NUGGC: variants seen among roughly 807,000 people sequenced by gnomAD.
The protein encoded by NUGGC is nuclear GTPase, germinal center associated.
NUGGC carries 58 observed loss-of-function variants against 92.6 expected under a neutral mutation model. The ratio of observed to expected loss-of-function variants is 0.63; its 90% CI spans 0.51 to 0.78. The LOEUF (loss-of-function observed/expected upper bound fraction) is 0.78. NUGGC is among the 30% of genes least tolerant of loss of function. The pLI, the probability that NUGGC is intolerant of heterozygous loss-of-function variation, is 0.00. For missense variants in NUGGC, 925 were observed against 964.6 expected (o/e 0.96, Z 0.54); for synonymous variants, 376 against 366.4 (o/e 1.03, Z -0.30).
rs183016260 is a variant in NUGGC, at chr8:28,041,250, C to G, written c.1447-35G>C. On this transcript the variant is annotated intron_variant, in intron 12 of 18. Coordinates refer to ENST00000413272, the MANE Select transcript of NUGGC (RefSeq NM_001010906.2). ...AGGACCATAAAAGAATCAGGCCACC[C>G]CCTCCCTAAGGGCACCTTCTCCTGA... The G allele has an allele frequency of 1.9e-4, 304 of 1,582,688 alleles. No homozygotes were observed. The Middle Eastern group carries it at 3.8e-3, about 20-fold the overall frequency.
intron 1 of NUGGC, among the ~76,000 whole-genome samples, chr8:28,083,476 T>C (rs1810900145): frequency 6.6e-6 from 1 of 152,112 alleles, no homozygotes; most frequent in Admixed American, 6.5e-5. Flanking sequence ...CATAACTAAA[T>C]ATAATGTGCT....
intron 15 of NUGGC, 141 bp from the exon 16 acceptor site, chr8:28,030,559 G>A (rs551257783): frequency 1.1e-5 from 7 of 640,904 alleles, no homozygotes; most frequent in South Asian, 8.9e-5. Flanking sequence ...CCACAACTAG[G>A]CTGTGAGCTT....
chr8:28,043,915 A>C (rs1809761853), intron 12 of NUGGC, among the ~76,000 whole-genome samples: 1 of 152,238 alleles, frequency 6.6e-6, no homozygotes, highest in Non-Finnish European at 1.5e-5. Flanking sequence ...TCAGATTCCA[A>C]GAGTTTTGTT....
At chr8:28,039,137 T>A (rs541904773) in intron 13 of NUGGC, among the ~76,000 whole-genome samples, 2 of 152,140 alleles carry the variant, frequency 1.3e-5, no homozygotes, top group Non-Finnish European at 2.9e-5. Context: ...TCTCCTCCTT[T>A]ACTCTTGGTT....
chr8:28,046,944 C>T (rs1224118538), intron 11 of NUGGC, among the ~76,000 whole-genome samples: 1 of 151,958 alleles, frequency 6.6e-6, no homozygotes, highest in Non-Finnish European at 1.5e-5. Flanking sequence ...GCTGGGATTA[C>T]AGGCATGAAC....
chr8:28,027,595 G>A (rs147825910), intron 17 of NUGGC, among the ~76,000 whole-genome samples: 2,101 of 152,150 alleles, frequency 0.014, 48 homozygotes, highest in African/African-American at 0.048. Context: ...TTCTGTTTCT[G>A]CCTCCCTTTG....
chr8:28,075,056 C>T (rs762677277), intron 1 of NUGGC, among the ~76,000 whole-genome samples: 1 of 152,194 alleles, frequency 6.6e-6, no homozygotes, highest in South Asian at 2.1e-4. Flanking sequence ...AGCTTCGCTG[C>T]TTTGGGTGGC....
chr8:28,045,697 C>T, intron 11 of NUGGC, 37 bp from the exon 12 acceptor site: 1 of 1,597,512 alleles, frequency 6.3e-7, no homozygotes, highest in Non-Finnish European at 8.5e-7. Flanking sequence ...TTGTTAAAGG[C>T]CAGAAGTTTG....
chr8:28,076,909 T>C (rs1158687548), intron 1 of NUGGC, among the ~76,000 whole-genome samples: 1 of 152,194 alleles, frequency 6.6e-6, no homozygotes, highest in African/African-American at 2.4e-5. Flanking sequence ...GGTTTAACAT[T>C]CTCAACTAAT....
chr8:28,054,039 C>T (rs1459561753), intron 10 of NUGGC, among the ~76,000 whole-genome samples: 4 of 152,158 alleles, frequency 2.6e-5, no homozygotes, highest in Non-Finnish European at 1.5e-5. Context: ...AGCTGGTCAT[C>T]GGCCAAATGT....
At chr8:28,063,098 G>A (rs189612954) in intron 7 of NUGGC, among the ~76,000 whole-genome samples, 1 of 152,226 alleles carries the variant, frequency 6.6e-6, no homozygotes, top group East Asian at 1.9e-4. Context: ...TTCATAACGG[G>A]TTTTAGGGAA....
At chr8:28,041,998 T>C (rs1472176373) in intron 12 of NUGGC, among the ~76,000 whole-genome samples, 3 of 152,128 alleles carry the variant, frequency 2.0e-5, no homozygotes, top group Non-Finnish European at 2.9e-5. Context: ...ATCATGGGAT[T>C]GGCTTTCCCC....
Position 28,060,515 on chromosome 8 carries a change from C to T in NUGGC, c.1008G>A (p.Glu336=), listed in dbSNP as rs755847739. 6.2e-7 allele frequency: 1 copy of T among 1,613,922 alleles called. No homozygotes were observed. The highest frequency in any genetic ancestry group is 8.5e-7 in the Non-Finnish European group (1 of 1,179,856). The change falls in exon 8 of 19, where the codon GAG becomes GAA. Residue 336 remains glutamate, a synonymous_variant. Transcript: ENST00000413272. ...AGCCCCGCTGGCAGGCTTTGATGCT[C>T]TCATTCAGAAGGTCTTCGTGGGCTT... ...GGQAHEDLLN[E]SIKACQRGFC...
In NUGGC at chr8:28,074,356, C is replaced by T; in HGVS notation, c.43+12G>A. 2 of 1,599,458 alleles carry T rather than the reference C, an allele frequency of 1.3e-6. No homozygotes were observed. The highest frequency in any genetic ancestry group is 2.2e-5 in the South Asian group (2 of 90,690). On this transcript the variant is annotated intron_variant, in intron 2 of 18. Transcript: ENST00000413272. The stretch of plus-strand genomic sequence containing the variant: ...CTATATCCTCCATCAGAAGATACTG[C>T]AAAGATGTTACCTGGATGCGGTTCC...
In NUGGC at chr8:28,080,984, C is replaced by T. The variant is rs79485384; in HGVS notation, c.-47+2791G>A. 2.0e-3 allele frequency among the ~76,000 whole-genome samples: 301 copies of T among 151,952 alleles called. 3 individuals are homozygous for T. The highest frequency in any genetic ancestry group is 0.013 in the East Asian group (68 of 5,184). On this transcript the variant is annotated intron_variant, in intron 1 of 18. Coordinates refer to ENST00000413272, the MANE Select transcript of NUGGC (RefSeq NM_001010906.2). ...TGATCTCTCTGAGCCTCTATTTCTCCACATATAGGATAGAATTGGTTTTAA... is the reference window on the plus strand; with the variant it reads ...TGATCTCTCTGAGCCTCTATTTCTCTACATATAGGATAGAATTGGTTTTAA...
intron 10 of NUGGC, among the ~76,000 whole-genome samples, chr8:28,048,181 C>T (rs1011659510): frequency 6.6e-6 from 1 of 152,200 alleles, no homozygotes; most frequent in African/African-American, 2.4e-5. Flanking sequence ...CACAGCTTAT[C>T]AATACTAAGA....
intron 10 of NUGGC, among the ~76,000 whole-genome samples, chr8:28,049,045 G>T (rs574049106): frequency 6.6e-6 from 1 of 152,042 alleles, no homozygotes; most frequent in Non-Finnish European, 1.5e-5. Flanking sequence ...GTGCATGTGC[G>T]TGTGTGGGTA....
chr8:28,081,164 C>A (rs1373153190), intron 1 of NUGGC, among the ~76,000 whole-genome samples: 2 of 151,860 alleles, frequency 1.3e-5, no homozygotes, highest in African/African-American at 4.8e-5. Context: ...ACTAAAAATA[C>A]AAAAATTACC....
intron 8 of NUGGC, chr8:28,060,170 G>A (rs1053306398): frequency 1.6e-6 from 1 of 613,102 alleles, no homozygotes; most frequent in Admixed American, 2.2e-5. Flanking sequence ...GTACATGTGA[G>A]TGGCACCCCC....
Sources: gnomAD v4.1 joint callset for allele counts (sites outside exome capture counted in the v4.1 genomes callset) on GRCh38, gnomAD v4.1.1 for gene constraint, MANE v1.5 for transcripts, NCBI Gene and HGNC (gene_info 2026-07-23, HGNC 2026-07-21) for gene names.